The following ABCA8 variants were observed in gnomAD, a reference collection of about 807,000 sequenced individuals.
The protein encoded by ABCA8 is ABC-type organic anion transporter ABCA8.
In ABCA8, 177 loss-of-function variants were observed where a neutral mutation model predicts 192.3. That is an observed-to-expected ratio of 0.92 (90% CI 0.81 to 1.04). ABCA8 has a LOEUF of 1.04. Ranked by LOEUF, ABCA8 falls within the 50% of genes least tolerant of loss-of-function variation. The probability of loss-of-function intolerance (pLI) is 0.00; values close to 1 mark genes in which losing one functional copy is unlikely to be tolerated. For missense variants in ABCA8, 1,915 were observed against 1,904.8 expected (o/e 1.01, Z -0.10); for synonymous variants, 642 against 690.2 (o/e 0.93, Z 1.09).
chr17:68,869,012 G>A (rs563527714), intron 38 of ABCA8, among the ~76,000 whole-genome samples: 1 of 152,294 alleles, frequency 6.6e-6, no homozygotes, highest in Admixed American at 6.5e-5. Flanking sequence ...GACCACAGAT[G>A]CTCTCAAGGA....
At chr17:68,901,442 G>A (rs936866950) in intron 21 of ABCA8, among the ~76,000 whole-genome samples, 2 of 152,126 alleles carry the variant, frequency 1.3e-5, no homozygotes, top group East Asian at 1.9e-4. Context: ...TGACATACAC[G>A]ATGATGCATG....
In ABCA8 at chr17:68,884,357, C is replaced by T; in HGVS notation, c.3589G>A (p.Val1197Ile). The T allele has an allele frequency of 6.3e-7, 1 of 1,590,824 alleles. No homozygotes were observed. Among genetic ancestry groups the T allele is most frequent in the East Asian group, 2.3e-5 (1 of 43,986 alleles). ...ATTAGGAATACCAGAAATGGCTGTA[C>T]ATCCATTCGTTCTTCAGAAAAGAGA... ...SSLFSEERMD[V>I]QPFLVFLIPF... Residue 1197 changes from valine (V) to isoleucine (I), a missense_variant, in exon 28 of 40, where the codon GTA (valine) becomes ATA (isoleucine). Physicochemically the swap from Val to Ile is conservative, Grantham distance 29. Coordinates refer to ENST00000586539, the MANE Select transcript of ABCA8 (RefSeq NM_001288985.2).
intron 38 of ABCA8, among the ~76,000 whole-genome samples, chr17:68,868,783 T>G (rs1210771135): frequency 6.6e-6 from 1 of 152,120 alleles, no homozygotes; most frequent in Admixed American, 6.6e-5. Flanking sequence ...CCATTGCAGC[T>G]TCCTCTGATT....
Position 68,924,704 on chromosome 17 carries a change from A to G in ABCA8, c.1439T>C (p.Ile480Thr). Residue 480 changes from isoleucine to threonine, a missense_variant, in exon 11 of 40, where the codon ATC becomes ACC. Ile to Thr is a moderately conservative substitution (Grantham distance 89). Coordinates refer to ENST00000586539, the MANE Select transcript of ABCA8 (RefSeq NM_001288985.2). ...TCTCCACCTGCAGCCTTATTACCTGATGGCTTCTTTCCCTTGGAATTCTGG... is the reference window on the plus strand; with the variant it reads ...TCTCCACCTGCAGCCTTATTACCTGGTGGCTTCTTTCCCTTGGAATTCTGG... ...APPEFQGKEA[I>T]RIRNVTKEYK... is the part of the protein sequence containing the mutation. 1 of 1,612,590 alleles carries G rather than the reference A, an allele frequency of 6.2e-7. No homozygotes were observed.
chr17:68,905,259 C>T (rs1047798331), intron 19 of ABCA8, among the ~76,000 whole-genome samples: 11 of 151,864 alleles, frequency 7.2e-5, no homozygotes, highest in African/African-American at 2.7e-4. Context: ...TATGAAGAAG[C>T]GGGGAAATAT....
At chr17:68,946,212 C>T (rs954528644) in intron 2 of ABCA8, among the ~76,000 whole-genome samples, 32 of 152,030 alleles carry the variant, frequency 2.1e-4, no homozygotes, top group African/African-American at 7.5e-4. Flanking sequence ...GGACTACAGG[C>T]GCCCACCACC....
At chr17:68,923,176 G>A (rs906406742) in intron 11 of ABCA8, among the ~76,000 whole-genome samples, 2 of 149,868 alleles carry the variant, frequency 1.3e-5, no homozygotes, top group African/African-American at 4.9e-5. Context: ...TTCATATAAA[G>A]CTATTTAATT....
intron 5 of ABCA8, among the ~76,000 whole-genome samples, chr17:68,935,604 T>C (rs1005002069): frequency 1.1e-4 from 15 of 139,336 alleles, no homozygotes; most frequent in African/African-American, 4.0e-4. Flanking sequence ...TGATGGACAC[T>C]TATGTTAATT....
chr17:68,894,748 A>G (rs1174306881), intron 22 of ABCA8, 132 bp downstream of exon 22: 2 of 1,045,742 alleles, frequency 1.9e-6, no homozygotes, highest in African/African-American at 3.2e-5. Flanking sequence ...ATGCCAGTGA[A>G]TACAATTCAC....
intron 1 of ABCA8, among the ~76,000 whole-genome samples, chr17:68,954,010 C>T (rs2068643094): frequency 6.7e-6 from 1 of 149,454 alleles, no homozygotes; most frequent in Non-Finnish European, 1.5e-5. Context: ...AATGCAAGCT[C>T]TGTACAGGAG....
chr17:68,910,376 A>C (rs2067202550), intron 17 of ABCA8, among the ~76,000 whole-genome samples: 2 of 152,160 alleles, frequency 1.3e-5, no homozygotes, highest in Non-Finnish European at 2.9e-5. Flanking sequence ...TGCCTGTCAC[A>C]GTGACAAGCA....
At chr17:68,894,814 C>G in intron 22 of ABCA8, 66 bp downstream of exon 22, 1 of 1,484,000 alleles carries the variant, frequency 6.7e-7, no homozygotes, top group Non-Finnish European at 9.0e-7. Flanking sequence ...AAGTTGGAAG[C>G]CTGAGTATAT....
At chr17:68,938,288 T>A (rs1169488794) in intron 4 of ABCA8, among the ~76,000 whole-genome samples, 1 of 152,144 alleles carries the variant, frequency 6.6e-6, no homozygotes. Flanking sequence ...CAACATACTC[T>A]GGAAACTCTG....
At position 68,917,416 on chromosome 17, in the gene ABCA8, A is replaced by T; in HGVS notation, c.2083T>A (p.Cys695Ser). 6.2e-7 allele frequency: 1 copy of T among 1,612,380 alleles called. No homozygotes were observed. The highest frequency in any genetic ancestry group is 1.1e-5 in the South Asian group (1 of 90,812). ...KVFLSQGKLK[C>S]AGSSLFLKKK... ...TTTAGAAACAAAGAAGAGCCCGCGCACTTTAGCTTCCCTTGGGAGAGAAAT... is the reference window on the plus strand; with the variant it reads ...TTTAGAAACAAAGAAGAGCCCGCGCTCTTTAGCTTCCCTTGGGAGAGAAAT... Residue 695 changes from cysteine to serine, a missense_variant, in exon 17 of 40, where the codon TGC (cysteine) becomes AGC (serine). Cys to Ser is a moderately radical substitution (Grantham distance 112). Coordinates refer to ENST00000586539, the MANE Select transcript of ABCA8 (RefSeq NM_001288985.2).
intron 11 of ABCA8, among the ~76,000 whole-genome samples, chr17:68,923,206 A>T (rs9903909): frequency 0.18 from 26,906 of 145,776 alleles, 5,068 homozygotes; most frequent in African/African-American, 0.46. Context: ...TATTATTATT[A>T]TTTTTTTTTT....
At chr17:68,909,712 G>A (rs765905865) in intron 17 of ABCA8, among the ~76,000 whole-genome samples, 2 of 152,016 alleles carry the variant, frequency 1.3e-5, no homozygotes, top group African/African-American at 2.4e-5. Context: ...AAAAAATTGG[G>A]ACATTACACA....
In ABCA8 at chr17:68,885,367, C is replaced by G. The variant is rs754713645; in HGVS notation, c.3430-52G>C. 8.4e-6 allele frequency: 13 copies of G among 1,538,890 alleles called. No homozygotes were observed. The South Asian group carries it at 1.6e-4, about 19-fold the overall frequency. On this transcript the variant is annotated intron_variant, in intron 26 of 39. Transcript: ENST00000586539. Reference sequence around the variant, plus strand: ...TCACTCTGAATTTCAATGTAAGTTCCAAATCGAGATGGCTCATCTTGAAGA... The same window carrying G: ...TCACTCTGAATTTCAATGTAAGTTCGAAATCGAGATGGCTCATCTTGAAGA...
intron 11 of ABCA8, 144 bp from the exon 12 acceptor site, chr17:68,922,444 G>T: frequency 1.8e-6 from 1 of 544,138 alleles, no homozygotes; most frequent in Non-Finnish European, 3.1e-6. Flanking sequence ...CTGTGTGACA[G>T]AATCAGCTAG....
At chr17:68,924,196 A>G (rs2067626869) in intron 11 of ABCA8, among the ~76,000 whole-genome samples, 1 of 152,172 alleles carries the variant, frequency 6.6e-6, no homozygotes, top group African/African-American at 2.4e-5. Context: ...AAAACACAAA[A>G]TTAGCTGGGC....
Sources: allele counts gnomAD v4.1 joint callset (sites outside exome capture counted in the v4.1 genomes callset), GRCh38; gene constraint gnomAD v4.1.1; transcripts MANE v1.5; gene names NCBI Gene and HGNC (gene_info 2026-07-23, HGNC 2026-07-21).